The following TRPM3 variants were observed in gnomAD, a reference collection of about 807,000 sequenced individuals.
TRPM3 encodes the protein transient receptor potential cation channel subfamily M member 3, also known as long transient receptor potential channel 3.
A neutral mutation model predicts 181.2 loss-of-function variants in TRPM3; 77 were observed. That is an observed-to-expected ratio of 0.42 (90% CI 0.35 to 0.51). TRPM3 has a LOEUF of 0.51. Among genes scored for constraint, TRPM3 ranks in the 20% least tolerant of loss-of-function variants. TRPM3 has a pLI of 0.01. For missense variants in TRPM3, 1,759 were observed against 2,196.7 expected (o/e 0.80, Z 3.98); for synonymous variants, 745 against 796.4 (o/e 0.94, Z 1.09).
At position 70,916,947 on chromosome 9, in the gene TRPM3, T is replaced by A. The variant is rs1589758438; in HGVS notation, c.178-52436A>T. 8 of 1,309,544 alleles carry A rather than the reference T, an allele frequency of 6.1e-6. No homozygotes were observed. The East Asian group carries it at 1.9e-4, about 30-fold the overall frequency. The allele number at this position is 1,309,544 out of a possible 1,614,324, so 81.1% of individuals were successfully genotyped here. A position where few individuals can be genotyped will look rare whatever the true frequency, so the allele number is the denominator to read the frequency against. ...AGATACTGATGGTGGCACTGCAAAT[T>A]GGCTTAGGCTTTCTAGTGAACAATC... On this transcript the variant is annotated intron_variant, in intron 1 of 25. Transcript: ENST00000677713.
chr9:70,794,984 T>G (rs2086631340), intron 6 of TRPM3, among the ~76,000 whole-genome samples: 2 of 152,230 alleles, frequency 1.3e-5, no homozygotes, highest in Admixed American at 1.3e-4. Context: ...CATACAGACA[T>G]TTTTCTTTGT....
chr9:70,798,925 C>G (rs1397297870), intron 6 of TRPM3, among the ~76,000 whole-genome samples: 2 of 152,278 alleles, frequency 1.3e-5, no homozygotes, highest in Middle Eastern at 3.4e-3. Context: ...TTCCATTTCA[C>G]CTGTCCATCT....
chr9:70,637,557 C>A (rs1277654034), intron 11 of TRPM3, among the ~76,000 whole-genome samples: 1 of 151,590 alleles, frequency 6.6e-6, no homozygotes, highest in Non-Finnish European at 1.5e-5. Context: ...AATTGAAAAC[C>A]CATTATTCTT....
At chr9:70,825,080 T>G (rs1017837593) in intron 6 of TRPM3, 1 of 152,070 alleles carries the variant, frequency 6.6e-6, no homozygotes, top group African/African-American at 2.4e-5. Flanking sequence ...GACTTATGAG[T>G]CACTCTCTTG....
chr9:71,240,032 G>A (rs190225853), intron 1 of TRPM3, among the ~76,000 whole-genome samples: 5 of 152,044 alleles, frequency 3.3e-5, no homozygotes, highest in African/African-American at 7.2e-5. Flanking sequence ...GAATTTATTC[G>A]CTTGAAAGGT....
intron 19 of TRPM3, 104 bp from the exon 20 acceptor site, chr9:70,603,574 C>T (rs2060470973): frequency 2.3e-6 from 3 of 1,300,178 alleles, no homozygotes; most frequent in Middle Eastern, 2.0e-4. Context: ...GCAAGCAGGA[C>T]ACAGACTTTA....
chr9:70,957,617 G>A (rs1320383137), intron 1 of TRPM3, among the ~76,000 whole-genome samples: 1 of 152,042 alleles, frequency 6.6e-6, no homozygotes, highest in Non-Finnish European at 1.5e-5. Flanking sequence ...GGCTGCATTC[G>A]GTTCATAAAT....
At chr9:70,764,146 T>C (rs1218538978) in intron 7 of TRPM3, among the ~76,000 whole-genome samples, 1 of 152,098 alleles carries the variant, frequency 6.6e-6, no homozygotes, top group African/African-American at 2.4e-5. Flanking sequence ...TGAAAAGCCA[T>C]TGAAAGATTT....
At chr9:70,588,747 G>A (rs543466331) in intron 22 of TRPM3, among the ~76,000 whole-genome samples, 8 of 152,216 alleles carry the variant, frequency 5.3e-5, no homozygotes, top group Non-Finnish European at 1.0e-4. Flanking sequence ...CTTGGTACTT[G>A]GGACTCCAGA....
intron 1 of TRPM3, among the ~76,000 whole-genome samples, chr9:70,925,143 GC>G (rs1194729435): frequency 2.0e-5 from 3 of 152,144 alleles, no homozygotes; most frequent in Admixed American, 6.6e-5. Flanking sequence ...AGCAGATGGT[GC>G]TGTTTTTCCA....
intron 1 of TRPM3, among the ~76,000 whole-genome samples, chr9:70,936,647 T>A (rs992654362): frequency 6.6e-6 from 1 of 152,198 alleles, no homozygotes; most frequent in Non-Finnish European, 1.5e-5. Context: ...AGTCTTTATC[T>A]CTCACATGCT....
Position 70,911,848 on chromosome 9 carries a change from C to T in TRPM3, c.178-47337G>A, listed in dbSNP as rs1055678027. 1.3e-4 allele frequency among the ~76,000 whole-genome samples: 20 copies of T among 152,174 alleles called. 1 individual carries two copies. Among genetic ancestry groups the T allele is most frequent in the African/African-American group, 4.8e-4 (20 of 41,446 alleles). The stretch of plus-strand genomic sequence containing the variant: ...ACAACAGCATCCTTCTAATAAGCCT[C>T]ATCATACCCAATCATATCTTCCCAT... On this transcript the variant is annotated intron_variant, in intron 1 of 25. Transcript: ENST00000677713.
At chr9:70,753,701 G>T (rs1489378260) in intron 8 of TRPM3, among the ~76,000 whole-genome samples, 2 of 152,178 alleles carry the variant, frequency 1.3e-5, no homozygotes, top group Non-Finnish European at 2.9e-5. Flanking sequence ...TCCAGGTTCA[G>T]GTTCAATATG....
chr9:70,904,907 A>G (rs2096440434), intron 1 of TRPM3, among the ~76,000 whole-genome samples: 2 of 152,320 alleles, frequency 1.3e-5, no homozygotes, highest in Non-Finnish European at 1.5e-5. Context: ...AAGTTTTCTT[A>G]TGGCTGGGGA....
chr9:70,687,559 C>T (rs940597241), intron 8 of TRPM3, among the ~76,000 whole-genome samples: 1 of 152,102 alleles, frequency 6.6e-6, no homozygotes, highest in Non-Finnish European at 1.5e-5. Context: ...GTTAAAAAAA[C>T]ACTTTTCCTC....
chr9:70,798,758 C>T (rs1364234706), intron 6 of TRPM3, among the ~76,000 whole-genome samples: 5 of 152,160 alleles, frequency 3.3e-5, no homozygotes, highest in Admixed American at 6.5e-5. Context: ...TAAGGGGTTG[C>T]CTGTCATACC....
chr9:70,886,791 T>C (rs1360662150), intron 1 of TRPM3, among the ~76,000 whole-genome samples: 1 of 151,934 alleles, frequency 6.6e-6, no homozygotes, highest in East Asian at 1.9e-4. Flanking sequence ...CAGCCTCCTG[T>C]GTAGCTGGGA....
Position 70,889,231 on chromosome 9 carries a change from C to T in TRPM3, c.178-24720G>A, listed in dbSNP as rs76218864. On this transcript the variant is annotated intron_variant, in intron 1 of 25. Transcript: ENST00000677713. ...AAATGGTTGAAAGTCTTTAAAAGAA[C>T]CAGCCAAACTTCTGCCTCCTCTCCA... 6.8e-3 allele frequency among the ~76,000 whole-genome samples: 1,040 copies of T among 152,228 alleles called. 13 individuals carry two copies. Among genetic ancestry groups the T allele is most frequent in the African/African-American group, 0.024 (986 of 41,526 alleles).
intron 6 of TRPM3, among the ~76,000 whole-genome samples, chr9:70,799,608 C>G (rs2088298107): frequency 6.6e-6 from 1 of 152,178 alleles, no homozygotes; most frequent in Admixed American, 6.5e-5. Context: ...TCCTTTACTT[C>G]TCTCCACATA....
Sources: gnomAD v4.1 joint callset for allele counts (sites outside exome capture counted in the v4.1 genomes callset) on GRCh38, gnomAD v4.1.1 for gene constraint, MANE v1.5 for transcripts, NCBI Gene and HGNC (gene_info 2026-07-23, HGNC 2026-07-21) for gene names.